The following TMPRSS6 variants were observed in gnomAD, a reference collection of about 807,000 sequenced individuals.
TMPRSS6 encodes transmembrane protease serine 6.
TMPRSS6 carries 67 observed loss-of-function variants against 101.5 expected under a neutral mutation model. That is an observed-to-expected ratio of 0.66 (90% CI 0.54 to 0.81). TMPRSS6 has a LOEUF of 0.81. Among genes scored for constraint, TMPRSS6 ranks in the 30% least tolerant of loss-of-function variants. The pLI, the probability that TMPRSS6 is intolerant of heterozygous loss-of-function variation, is 0.00. For synonymous variants in TMPRSS6, 453 were observed against 464.9 expected, an observed-to-expected ratio of 0.97 and a Z score of 0.33; for missense variants, 1,034 against 1,088.7, an observed-to-expected ratio of 0.95 and a Z score of 0.71.
intron 1 of TMPRSS6, among the ~76,000 whole-genome samples, chr22:37,104,932 G>A (rs1353666893): frequency 6.6e-6 from 1 of 151,020 alleles, no homozygotes; most frequent in Non-Finnish European, 1.5e-5. Context: ...TTGTACTCCA[G>A]CCTGGGTGAC....
At chr22:37,095,826 G>A in intron 5 of TMPRSS6, 80 bp downstream of exon 5, 1 of 1,572,136 alleles carries the variant, frequency 6.4e-7, no homozygotes, top group South Asian at 1.1e-5. Flanking sequence ...GGCCTGGCAG[G>A]CAGCCTCCCC....
At chr22:37,066,299 A>C in intron 17 of TMPRSS6, 61 bp from the exon 18 acceptor site, 1 of 1,487,462 alleles carries the variant, frequency 6.7e-7, no homozygotes, top group Non-Finnish European at 9.1e-7. Flanking sequence ...TTCCAGGTGA[A>C]GAGCCATAGG....
At position 37,089,774 on chromosome 22, in the gene TMPRSS6, G is replaced by A. The variant is rs770712602; in HGVS notation, c.640C>T (p.Arg214Cys). 3.4e-5 allele frequency: 55 copies of A among 1,611,970 alleles called. No individual in the cohort carries two copies. In the East Asian group the frequency reaches 3.8e-4, roughly 11 times the overall value. Residue 214 changes from arginine (R) to cysteine (C), a missense_variant, in exon 7 of 18, where the codon CGC becomes TGC. Arg to Cys is a radical substitution (Grantham distance 180). Coordinates refer to ENST00000676104, the MANE Select transcript of TMPRSS6 (RefSeq NM_001374504.1). ...TGGCCCTGGCCCACGTAGCTGTAGC[G>A]GTAACAACCTGGAGCGGGGAGAGGG... is the stretch of plus-strand genomic sequence containing the variant. ...AALNSTLGCY[R>C]YSYVGQGQVL...
chr22:37,085,791 G>A (rs933534772), intron 8 of TMPRSS6, among the ~76,000 whole-genome samples: 10 of 152,136 alleles, frequency 6.6e-5, no homozygotes, highest in Admixed American at 6.5e-4. Flanking sequence ...CAAGCTCCCT[G>A]CGCCCTCTTG....
intron 12 of TMPRSS6, 62 bp from the exon 13 acceptor site, chr22:37,073,707 G>A: frequency 9.5e-7 from 1 of 1,052,960 alleles, no homozygotes; most frequent in Admixed American, 1.7e-5. Context: ...CCGGGGCTTG[G>A]CGATGCCTGT....
In TMPRSS6 at chr22:37,066,869, A is replaced by T; in HGVS notation, c.2207T>A (p.Met736Lys). ...GCCCTTGCGGTAGCCGGCACACAGC[A>T]TGCGTGGCGTCACCTGGTAGCGATA... The part of the protein sequence containing the change: ...EVYRYQVTPR[M>K]LCAGYRKGKK... Residue 736 changes from methionine to lysine, a missense_variant, in exon 17 of 18, where the codon ATG becomes AAG. Transcript: ENST00000676104. 6.2e-7 allele frequency: 1 copy of T among 1,614,142 alleles called. No individual in the cohort carries two copies. The highest frequency in any genetic ancestry group is 8.5e-7 in the Non-Finnish European group (1 of 1,180,024).
intron 13 of TMPRSS6, among the ~76,000 whole-genome samples, chr22:37,072,408 GGATGGATGATGGATTGATGGATT>G (rs1927095314): frequency 1.4e-5 from 2 of 147,886 alleles, no homozygotes; most frequent in African/African-American, 2.5e-5. Flanking sequence ...GATGATGGAT[GGATGGATGATGGATTGATGGATT>G]GATGGATGAT....
rs778108536 is a variant in TMPRSS6 at position 37,075,259 on chromosome 22, C to G, written c.1218G>C (p.Leu406=). The G allele has an allele frequency of 1.9e-6, 3 of 1,613,426 alleles. No homozygotes were observed. The highest frequency in any genetic ancestry group is 2.5e-6 in the Non-Finnish European group (3 of 1,180,000). Residue 406 remains leucine, a synonymous_variant, in exon 11 of 18, where the codon CTG becomes CTC. Transcript: ENST00000676104. ...CGGGGATCCTCTCGGCGTAGGGCTG[C>G]AGGATGCGCAAGCCACACAGCCTGG... is the stretch of plus-strand genomic sequence containing the variant. The part of the protein sequence containing the change: ...QNRRLCGLRI[L]QPYAERIPVV...
At chr22:37,074,210 C>T (rs1176687562) in intron 12 of TMPRSS6, among the ~76,000 whole-genome samples, 1 of 152,318 alleles carries the variant, frequency 6.6e-6, no homozygotes, top group Non-Finnish European at 1.5e-5. Flanking sequence ...CCCCCAGCAC[C>T]GTGGCAGGAT....
At chr22:37,066,304 C>T in intron 17 of TMPRSS6, 66 bp from the exon 18 acceptor site, 1 of 1,466,476 alleles carries the variant, frequency 6.8e-7, no homozygotes, top group Non-Finnish European at 9.2e-7. Flanking sequence ...GGTGAAGAGC[C>T]ATAGGGATTA....
chr22:37,097,552 C>G (rs927730997), intron 3 of TMPRSS6, among the ~76,000 whole-genome samples: 5 of 152,256 alleles, frequency 3.3e-5, no homozygotes. Context: ...AACTCCCCGG[C>G]ACTTCTGGCC....
In TMPRSS6 at chr22:37,075,234, C is replaced by A. The variant is rs762683727; in HGVS notation, c.1243G>T (p.Val415Leu). The A allele has an allele frequency of 4.3e-6, 7 of 1,613,660 alleles. No homozygotes were observed. In the Admixed American group the frequency reaches 8.3e-5, roughly 19 times the overall value. ...ILQPYAERIP[V>L]VATAGITINF... The stretch of plus-strand genomic sequence containing the variant: ...ATGGTGATCCCGGCCGTGGCCACCA[C>A]GGGGATCCTCTCGGCGTAGGGCTGC... The change falls in exon 11 of 18, where the codon GTG (valine) becomes TTG (leucine). Residue 415 changes from valine (V) to leucine (L), a missense_variant. Physicochemically the swap from Val to Leu is conservative, Grantham distance 32. Coordinates refer to ENST00000676104, the MANE Select transcript of TMPRSS6 (RefSeq NM_001374504.1).
Position 37,069,307 on chromosome 22 carries a change from T to TGC in TMPRSS6, c.1877_1878dup (p.Lys627AlafsTer17), listed in dbSNP as rs869320724. 1 of 1,340,166 alleles carries TGC rather than the reference T, an allele frequency of 7.5e-7. No homozygotes were observed. The highest frequency in any genetic ancestry group is 9.8e-7 in the Non-Finnish European group (1 of 1,017,018). 83.0% of individuals were successfully genotyped at this position (1,340,166 alleles called of 1,614,324 possible). ...GGCCAGCGCGAGTTCTGCCACACCT[T>TGC]GCCCAGGAACACGGTCCACAGCACC... On this transcript the variant is annotated frameshift_variant, in exon 16 of 18. Coordinates refer to ENST00000676104, the MANE Select transcript of TMPRSS6 (RefSeq NM_001374504.1). LOFTEE classifies it high-confidence loss of function. This position sits in a 1 kb window ranked among gnomAD's most constrained non-coding sequence, Gnocchi z 4.8.
chr22:37,075,220 G>A lies in TMPRSS6; in HGVS notation c.1257C>T (p.Ala419=), dbSNP rs572632950. 5.1e-5 allele frequency: 83 copies of A among 1,613,896 alleles called. No individual in the cohort carries two copies. The highest frequency in any genetic ancestry group is 5.0e-4 in the Admixed American group (30 of 60,026). ...GGGAGGTGAAGTTGATGGTGATCCCGGCCGTGGCCACCACGGGGATCCTCT... is the reference window on the plus strand; with the variant it reads ...GGGAGGTGAAGTTGATGGTGATCCCAGCCGTGGCCACCACGGGGATCCTCT... ...YAERIPVVAT[A]GITINFTSQI... Residue 419 remains alanine (A), a synonymous_variant, in exon 11 of 18, where the codon GCC becomes GCT. Coordinates refer to ENST00000676104, the MANE Select transcript of TMPRSS6 (RefSeq NM_001374504.1).
At chr22:37,094,428 T>TAGAG (rs1555891517) in intron 6 of TMPRSS6, among the ~76,000 whole-genome samples, 18,488 of 136,130 alleles carry the variant, frequency 0.14, 1,200 homozygotes, top group African/African-American at 0.16. Flanking sequence ...GATAGATAGA[T>TAGAG]ATAAACAGAC....
chr22:37,086,465 G>A (rs1267099620), intron 7 of TMPRSS6, 46 bp from the exon 8 acceptor site: 1 of 1,551,900 alleles, frequency 6.4e-7, no homozygotes, highest in Non-Finnish European at 8.7e-7. Context: ...GTCTGGGAGG[G>A]GAGTGGCAGG....
In TMPRSS6 at chr22:37,098,488, G is replaced by T; in HGVS notation, c.264C>A (p.Arg88=). The T allele has an allele frequency of 6.2e-7, 1 of 1,614,086 alleles. No individual in the cohort carries two copies. The change falls in exon 3 of 18, where the codon CGC becomes CGA. Residue 88 remains arginine (R), a synonymous_variant. Coordinates refer to ENST00000676104, the MANE Select transcript of TMPRSS6 (RefSeq NM_001374504.1). Reference sequence around the variant, plus strand: ...GGCGGGTAAGATCCTGGGAGAAGTGGCGATTGAGTACACGCAGACTGCCTG... The same window carrying T: ...GGCGGGTAAGATCCTGGGAGAAGTGTCGATTGAGTACACGCAGACTGCCTG... ...VYSGSLRVLN[R]HFSQDLTRRE... is the part of the protein sequence containing the mutation.
intron 4 of TMPRSS6, 112 bp from the exon 5 acceptor site, chr22:37,096,202 T>G: frequency 1.6e-6 from 2 of 1,248,512 alleles, no homozygotes; most frequent in Non-Finnish European, 2.3e-6. Flanking sequence ...TTGCTGTCCG[T>G]CTTCACGCAG....
At position 37,066,786 on chromosome 22, in the gene TMPRSS6, T is replaced by C. The variant is rs371695219; in HGVS notation, c.2250+40A>G. ...GACCCTGGTGATGTGGGCAGCATCC[T>C]TTCTCCCTCCTCTCTCCCTCCCATG... On this transcript the variant is annotated intron_variant, in intron 17 of 17. Transcript: ENST00000676104. The C allele has an allele frequency of 8.7e-6, 14 of 1,613,642 alleles. No homozygotes were observed. The African/African-American group carries it at 1.9e-4, about 22-fold the overall frequency.
Sources: allele counts gnomAD v4.1 joint callset (sites outside exome capture counted in the v4.1 genomes callset), GRCh38; gene constraint gnomAD v4.1.1; non-coding constraint Gnocchi (gnomAD v3.1); transcripts MANE v1.5; gene names NCBI Gene and HGNC (gene_info 2026-07-23, HGNC 2026-07-21).